Variants in AAK1 observed in about 807,000 individuals in gnomAD.
The protein encoded by AAK1 is AP2 associated kinase 1, also known as AP2-associated protein kinase 1.
AAK1 carries 37 observed loss-of-function variants against 116.0 expected under a neutral mutation model. The ratio of observed to expected loss-of-function variants is 0.32; its 90% confidence interval spans 0.25 to 0.42. The LOEUF is 0.42. Ranked by LOEUF, AAK1 falls within the 10% of genes least tolerant of loss-of-function variation. AAK1 has a pLI of 1.00. For synonymous variants in AAK1, 458 were observed against 439.9 expected, an observed-to-expected ratio of 1.04 and a Z score of -0.51; for missense variants, 919 against 1,170.6, an observed-to-expected ratio of 0.79 and a Z score of 3.14.
chr2:69,531,949 C>G (rs752297127), intron 6 of AAK1, 92 bp downstream of exon 6: 3 of 1,544,174 alleles, frequency 1.9e-6, no homozygotes, highest in African/African-American at 1.4e-5. Context: ...TATCACCATT[C>G]TCTCCCCACC....
At chr2:69,617,310 T>C (rs1197197943) in intron 2 of AAK1, among the ~76,000 whole-genome samples, 3 of 152,206 alleles carry the variant, frequency 2.0e-5, no homozygotes, top group Non-Finnish European at 2.9e-5. Context: ...TCGAGTTGCT[T>C]TGACATTAAT....
chr2:69,475,853 T>C lies in AAK1; in HGVS notation c.*16A>G. On this transcript the variant is annotated 3_prime_UTR_variant, in exon 22 of 22. Transcript: ENST00000409085. ...GGTATGAAGGTTACAGAACTGCATC[T>C]GCTACTGGGTCACGGCTACAGGTCT... is the stretch of plus-strand genomic sequence containing the variant. 1.2e-6 allele frequency: 2 copies of C among 1,607,808 alleles called. No homozygotes were observed. Among genetic ancestry groups the C allele is most frequent in the East Asian group, 2.2e-5 (1 of 44,734 alleles).
intron 15 of AAK1, among the ~76,000 whole-genome samples, chr2:69,506,497 G>A (rs911724562): frequency 7.9e-5 from 12 of 152,136 alleles, no homozygotes; most frequent in African/African-American, 2.4e-4. Context: ...CCAAGTAGCT[G>A]GGACTACAGA....
Position 69,478,958 on chromosome 2 carries a change from G to T in AAK1, c.2673C>A (p.Val891=). The change falls in exon 20 of 22, where the codon GTC becomes GTA. Residue 891 remains valine, a synonymous_variant. Coordinates refer to ENST00000409085, the MANE Select transcript of AAK1 (RefSeq NM_014911.5). The stretch of plus-strand genomic sequence containing the variant: ...GAAGAAGAAAGCATTTACCTTTATG[G>T]ACTGGAGCAGAGATTGCTGTGGGGG... ...EFAPTAISAP[V]HKAAEDSNLI... 6.2e-7 allele frequency: 1 copy of T among 1,610,100 alleles called. No homozygotes were observed. Among genetic ancestry groups the T allele is most frequent in the South Asian group, 1.1e-5 (1 of 90,998 alleles).
At chr2:69,617,714 T>C (rs916755202) in intron 2 of AAK1, among the ~76,000 whole-genome samples, 2 of 152,014 alleles carry the variant, frequency 1.3e-5, no homozygotes, top group African/African-American at 4.8e-5. Context: ...GTAAAAGAAG[T>C]GAACAGACAT....
intron 2 of AAK1, among the ~76,000 whole-genome samples, chr2:69,564,065 G>A (rs1410201673): frequency 2.0e-5 from 3 of 152,072 alleles, no homozygotes; most frequent in Non-Finnish European, 2.9e-5. Flanking sequence ...GGTGGCGCAT[G>A]CCTGTAATCC....
intron 3 of AAK1, among the ~76,000 whole-genome samples, chr2:69,555,866 TATA>T (rs1191129515): frequency 1.3e-5 from 2 of 151,390 alleles, no homozygotes; most frequent in African/African-American, 4.8e-5. Context: ...TATTATTAGG[TATA>T]ATATTATGTA....
At chr2:69,477,571 T>C (rs1398666318) in intron 20 of AAK1, among the ~76,000 whole-genome samples, 4 of 151,082 alleles carry the variant, frequency 2.6e-5, no homozygotes, top group African/African-American at 4.8e-5. Flanking sequence ...AAGTAGAAGT[T>C]TGTTAGAATA....
At chr2:69,635,628 C>T (rs1156718623) in intron 2 of AAK1, among the ~76,000 whole-genome samples, 4 of 152,150 alleles carry the variant, frequency 2.6e-5, no homozygotes, top group African/African-American at 9.7e-5. Flanking sequence ...AATTCTGACA[C>T]ATGGTACAAA....
At chr2:69,487,894 A>C (rs1193085061) in intron 17 of AAK1, among the ~76,000 whole-genome samples, 1 of 151,110 alleles carries the variant, frequency 6.6e-6, no homozygotes, top group Non-Finnish European at 1.5e-5. Flanking sequence ...GGTTCAAGCA[A>C]TTCTCCCGCC....
intron 17 of AAK1, among the ~76,000 whole-genome samples, chr2:69,483,513 A>G (rs1034683682): frequency 6.6e-6 from 1 of 152,244 alleles, no homozygotes; most frequent in African/African-American, 2.4e-5. Context: ...TTAAGCTGGT[A>G]AAAATAAAGC....
chr2:69,475,897 A>C lies in AAK1; in HGVS notation c.2858T>G (p.Leu953Arg). ...SSLPNLARSL[L>R]LVDQLIDL is the part of the protein sequence containing the mutation. ...CAGGTCTATGAGCTGATCCACCAGC[A>C]GTAAAGACCTGGCTAGGTTGGGAAG... The change falls in exon 22 of 22, where the codon CTG becomes CGG. Residue 953 changes from leucine to arginine, a missense_variant. Transcript: ENST00000409085. 1 of 1,612,442 alleles carries C rather than the reference A, an allele frequency of 6.2e-7. No homozygotes were observed. Among genetic ancestry groups the C allele is most frequent in the Non-Finnish European group, 8.5e-7 (1 of 1,179,368 alleles).
At chr2:69,596,920 G>A (rs190158672) in intron 2 of AAK1, among the ~76,000 whole-genome samples, 1 of 152,296 alleles carries the variant, frequency 6.6e-6, no homozygotes, top group Admixed American at 6.5e-5. Context: ...TTGCCATGGT[G>A]GTGGGGGAGT....
chr2:69,566,931 A>G (rs932473069), intron 2 of AAK1, among the ~76,000 whole-genome samples: 1 of 152,170 alleles, frequency 6.6e-6, no homozygotes, highest in African/African-American at 2.4e-5. Flanking sequence ...CTATCTGGCA[A>G]ATGTAGAGAG....
At chr2:69,530,941 G>C (rs1349508686) in intron 6 of AAK1, among the ~76,000 whole-genome samples, 1 of 152,162 alleles carries the variant, frequency 6.6e-6, no homozygotes, top group Non-Finnish European at 1.5e-5. Flanking sequence ...TGGGGACTCA[G>C]ACACTAATGC....
At chr2:69,610,650 A>C (rs1674036172) in intron 2 of AAK1, among the ~76,000 whole-genome samples, 1 of 152,252 alleles carries the variant, frequency 6.6e-6, no homozygotes, top group African/African-American at 2.4e-5. Context: ...AAAAATTCCT[A>C]AAATTCAATA....
At chr2:69,500,664 A>AATAGATATATATATATATATAT (rs1553410369) in intron 16 of AAK1, among the ~76,000 whole-genome samples, 1 of 60,854 alleles carries the variant, frequency 1.6e-5, no homozygotes, top group Non-Finnish European at 3.1e-5. Context: ...AGTCCCTTAA[A>AATAGATATATATATATATATAT]ATATATATAT....
rs527452754 is a variant in AAK1, at chr2:69,463,064, T to A, written c.*12805A>T. On this transcript the variant is annotated 3_prime_UTR_variant, in exon 22 of 22. Transcript: ENST00000409085. ...CAAAAAAGGACAAAGTATTGAAAAG[T>A]AGCTGCTCATTTTTTACTGCCAATA... 6.6e-6 allele frequency: 1 copy of A among 152,180 alleles called. No homozygotes were observed. Among genetic ancestry groups the A allele is most frequent in the South Asian group, 2.1e-4 (1 of 4,828 alleles). The allele number at this position is 152,180 out of a possible 1,614,324, so 9.4% of individuals were successfully genotyped here. A position where few individuals can be genotyped will look rare whatever the true frequency, so the allele number is the denominator to read the frequency against.
At chr2:69,595,447 G>T (rs1187538457) in intron 2 of AAK1, among the ~76,000 whole-genome samples, 1 of 152,190 alleles carries the variant, frequency 6.6e-6, no homozygotes, top group Non-Finnish European at 1.5e-5. Context: ...CTACATGAAT[G>T]ATATGGATAA....
Sources: gnomAD v4.1 joint callset for allele counts (sites outside exome capture counted in the v4.1 genomes callset) on GRCh38, gnomAD v4.1.1 for gene constraint, MANE v1.5 for transcripts, NCBI Gene and HGNC (gene_info 2026-07-23, HGNC 2026-07-21) for gene names.